KCNA2: variants seen among roughly 807,000 people sequenced by gnomAD.
The protein encoded by KCNA2 is potassium channel, voltage gated shaker related subfamily A, member 2.
A neutral mutation model predicts 33.4 loss-of-function variants in KCNA2; 11 were observed. The observed-to-expected ratio is 0.33, with a 90% confidence interval of 0.21 to 0.55. The LOEUF (loss-of-function observed/expected upper bound fraction) is 0.55, where lower values mean the gene tolerates loss of function less well. Ranked by LOEUF, KCNA2 falls within the 20% of genes least tolerant of loss-of-function variation. The pLI, the probability that KCNA2 is intolerant of heterozygous loss-of-function variation, is 0.93. For synonymous variants in KCNA2, 222 were observed against 231.3 expected (o/e 0.96, Z 0.37); for missense variants, 291 against 621.6 (o/e 0.47, Z 5.66).
In KCNA2 at chr1:110,593,989, G is replaced by A. The variant is rs17026168; in HGVS notation, c.*9294C>T. On this transcript the variant is annotated 3_prime_UTR_variant, in exon 3 of 3. Coordinates refer to ENST00000316361, the MANE Select transcript of KCNA2 (RefSeq NM_004974.4). ...CTCCCAACTCCCATGAGTCTTCCCC[G>A]CAAGTCCTGCTCCGCCTTCAGCTCT... 135,441 of 1,545,932 alleles carry A rather than the reference G, an allele frequency of 0.088. 11,449 individuals are homozygous for A. Among genetic ancestry groups the A allele is most frequent in the East Asian group, 0.51 (20,785 of 40,604 alleles).
chr1:110,595,862 C>G lies in KCNA2; in HGVS notation c.*7421G>C. ...AATGTTACTTTCAGATCTCACAAAC[C>G]TCAAACCTAGGGCACCACCAATGAC... On this transcript the variant is annotated 3_prime_UTR_variant, in exon 3 of 3. Transcript: ENST00000316361. The G allele has an allele frequency of 1.0e-6, 1 of 985,428 alleles. No individual in the cohort carries two copies. The highest frequency in any genetic ancestry group is 1.2e-6 in the Non-Finnish European group (1 of 829,932). The allele number at this position is 985,428 out of a possible 1,614,324, so 61.0% of individuals were successfully genotyped here.
intron 1 of KCNA2, among the ~76,000 whole-genome samples, chr1:110,617,696 G>T (rs1226819173): frequency 6.6e-6 from 1 of 152,220 alleles, no homozygotes; most frequent in Non-Finnish European, 1.5e-5. Flanking sequence ...ATTACAGGGA[G>T]TGTAGGATTC....
At chr1:110,610,981 GC>G, upstream of KCNA2, among the ~76,000 whole-genome samples, 1 of 151,780 alleles carries the variant, frequency 6.6e-6, no homozygotes, top group South Asian at 2.1e-4. Flanking sequence ...CACTAGCCCC[GC>G]CCACCCCCTT....
At chr1:110,616,780 C>T (rs1249754944) in intron 1 of KCNA2, among the ~76,000 whole-genome samples, 2 of 152,222 alleles carry the variant, frequency 1.3e-5, no homozygotes, top group African/African-American at 4.8e-5. Context: ...CGGCTCTAAA[C>T]CAGGCATCGA....
rs1649190289 is a variant in KCNA2, at chr1:110,598,305, C to G, written c.*4978G>C. ...ACCATCATCCCCTCTCTTGAGTAAACAAGTCAAAGCACTGTGCTCCCCTGC... is the reference window on the plus strand; with the variant it reads ...ACCATCATCCCCTCTCTTGAGTAAAGAAGTCAAAGCACTGTGCTCCCCTGC... On this transcript the variant is annotated 3_prime_UTR_variant, in exon 3 of 3. Coordinates refer to ENST00000316361, the MANE Select transcript of KCNA2 (RefSeq NM_004974.4). The G allele has an allele frequency of 1.2e-6, 1 of 860,758 alleles. No individual in the cohort carries two copies. The highest frequency in any genetic ancestry group is 1.2e-4 in the East Asian group (1 of 8,262). The allele number at this position is 860,758 out of a possible 1,614,324, so 53.3% of individuals were successfully genotyped here.
chr1:110,616,302 C>T (rs1463379103), intron 1 of KCNA2, among the ~76,000 whole-genome samples: 3 of 152,196 alleles, frequency 2.0e-5, no homozygotes, highest in Non-Finnish European at 4.4e-5. Context: ...CCCCCACCCC[C>T]ACCACCCAGG....
At position 110,599,973 on chromosome 1, in the gene KCNA2, A is replaced by T. The variant is rs561634489; in HGVS notation, c.*3310T>A. The T allele has an allele frequency of 1.0e-6, 1 of 985,314 alleles. No homozygotes were observed. Among genetic ancestry groups the T allele is most frequent in the Admixed American group, 6.1e-5 (1 of 16,274 alleles). The allele number at this position is 985,314 out of a possible 1,614,324, so 61.0% of individuals were successfully genotyped here. ...CCATGCAATTCCTGGTCTTAGTCAG[A>T]TATCTGCTTGATGTGGTGGCCCATC... On this transcript the variant is annotated 3_prime_UTR_variant, in exon 3 of 3. Coordinates refer to ENST00000316361, the MANE Select transcript of KCNA2 (RefSeq NM_004974.4).
In KCNA2 at chr1:110,602,424, C is replaced by G; in HGVS notation, c.*859G>C. The G allele has an allele frequency of 7.5e-7, 1 of 1,328,612 alleles. No individual in the cohort carries two copies. Among genetic ancestry groups the G allele is most frequent in the East Asian group, 3.0e-5 (1 of 33,226 alleles). 82.3% of individuals were successfully genotyped at this position (1,328,612 alleles called of 1,614,324 possible). ...ACACCCATGCAGCTCTATTGCATCA[C>G]TGGTAAATTTCACTGCAGTGTCAGT... On this transcript the variant is annotated 3_prime_UTR_variant, in exon 3 of 3. Coordinates refer to ENST00000316361, the MANE Select transcript of KCNA2 (RefSeq NM_004974.4).
In KCNA2 at chr1:110,602,198, C is replaced by T. The variant is rs1406992642; in HGVS notation, c.*1085G>A. 1 of 1,549,212 alleles carries T rather than the reference C, an allele frequency of 6.5e-7. No homozygotes were observed. The highest frequency in any genetic ancestry group is 2.4e-5 in the East Asian group (1 of 40,896). On this transcript the variant is annotated 3_prime_UTR_variant, in exon 3 of 3. Coordinates refer to ENST00000316361, the MANE Select transcript of KCNA2 (RefSeq NM_004974.4). ...GTTTAGAAGAACAGGGATAGGTAGG[C>T]TGGGGGGCCAGAAGTTTTAGTTCCA...
rs770338663 is a variant in KCNA2, at chr1:110,604,767, C to T, written c.16G>A (p.Gly6Arg). The stretch of plus-strand genomic sequence containing the variant: ...GCAGCAGCCTCGTCTGCTGGGTCTC[C>T]GGTGGCCACTGTCATAATTGGGACT... MTVAT[G>R]DPADEAAALP... The change falls in exon 3 of 3, where the codon GGA becomes AGA. Residue 6 changes from glycine (G) to arginine (R), a missense_variant. Coordinates refer to ENST00000316361, the MANE Select transcript of KCNA2 (RefSeq NM_004974.4). This position sits in a 1 kb window ranked among gnomAD's most constrained non-coding sequence, Gnocchi z 7.6. 5 of 1,612,784 alleles carry T rather than the reference C, an allele frequency of 3.1e-6. No individual in the cohort carries two copies. Among genetic ancestry groups the T allele is most frequent in the South Asian group, 2.2e-5 (2 of 90,868 alleles).
upstream of KCNA2, among the ~76,000 whole-genome samples, chr1:110,609,139 A>G (rs1649782092): frequency 3.9e-5 from 6 of 152,086 alleles, no homozygotes; most frequent in South Asian, 8.3e-4. Flanking sequence ...GACCAGCACC[A>G]AGGGGCTCTG....
chr1:110,603,111 A>G lies in KCNA2; in HGVS notation c.*172T>C. On this transcript the variant is annotated 3_prime_UTR_variant, in exon 3 of 3. Transcript: ENST00000316361. The surrounding 1 kb of genome is among the most constrained non-coding windows in gnomAD (Gnocchi z 5.7). Reference sequence around the variant, plus strand: ...GATGAGGATGTGCATGAAAGCCATGATAGATATTCTGTGTTCTAAATCAAA... The same window carrying G: ...GATGAGGATGTGCATGAAAGCCATGGTAGATATTCTGTGTTCTAAATCAAA... 6 of 1,426,362 alleles carry G rather than the reference A, an allele frequency of 4.2e-6. No individual in the cohort carries two copies. Among genetic ancestry groups the G allele is most frequent in the Non-Finnish European group, 5.5e-6 (6 of 1,095,988 alleles). 88.4% of individuals were successfully genotyped at this position (1,426,362 alleles called of 1,614,324 possible).
chr1:110,604,933 C>G lies in KCNA2; in HGVS notation c.-151G>C, dbSNP rs985139660. 1.3e-5 allele frequency: 9 copies of G among 712,670 alleles called. No individual in the cohort carries two copies. The highest frequency in any genetic ancestry group is 2.1e-5 in the Non-Finnish European group (9 of 423,024). 44.1% of individuals were successfully genotyped at this position (712,670 alleles called of 1,614,324 possible). ...GAGAGCTCTCTGAGAGCTGGAGAGA[C>G]AGCCTCGCTTGGCTGAAAGACAGAG... On this transcript the variant is annotated 5_prime_UTR_variant, in exon 3 of 3. Transcript: ENST00000316361. The surrounding 1 kb of genome is among the most constrained non-coding windows in gnomAD (Gnocchi z 7.6).
At position 110,600,365 on chromosome 1, in the gene KCNA2, A is replaced by T; in HGVS notation, c.*2918T>A. Reference sequence around the variant, plus strand: ...ATATGCATATGCATTTTGTCCATGTAGTTTTTTATGTATTTTGCATCTGAG... The same window carrying T: ...ATATGCATATGCATTTTGTCCATGTTGTTTTTTATGTATTTTGCATCTGAG... On this transcript the variant is annotated 3_prime_UTR_variant, in exon 3 of 3. Coordinates refer to ENST00000316361, the MANE Select transcript of KCNA2 (RefSeq NM_004974.4). 1 of 984,004 alleles carries T rather than the reference A, an allele frequency of 1.0e-6. No homozygotes were observed. Among genetic ancestry groups the T allele is most frequent in the South Asian group, 4.7e-5 (1 of 21,192 alleles). The allele number at this position is 984,004 out of a possible 1,614,324, so 61.0% of individuals were successfully genotyped here.
upstream of KCNA2, chr1:110,607,388 C>A (rs1329486681): frequency 6.6e-6 from 1 of 150,988 alleles, no homozygotes; most frequent in African/African-American, 2.4e-5. Context: ...GCGTACGGAG[C>A]TCCCGGCCGC....
chr1:110,598,033 T>C lies in KCNA2; in HGVS notation c.*5250A>G, dbSNP rs1164558726. 4 of 985,284 alleles carry C rather than the reference T, an allele frequency of 4.1e-6. No homozygotes were observed. The highest frequency in any genetic ancestry group is 4.7e-5 in the South Asian group (1 of 21,282). 61.0% of individuals were successfully genotyped at this position (985,284 alleles called of 1,614,324 possible). On this transcript the variant is annotated 3_prime_UTR_variant, in exon 3 of 3. Coordinates refer to ENST00000316361, the MANE Select transcript of KCNA2 (RefSeq NM_004974.4). ...CTGAAGATATAGATGATGGTCACAA[T>C]AGCTACTGAGAGAGCTCCCAGCATC...
chr1:110,620,079 AGAGAGAGAGT>A (rs1262824325), intron 1 of KCNA2, among the ~76,000 whole-genome samples: 20 of 145,576 alleles, frequency 1.4e-4, no homozygotes, highest in African/African-American at 5.1e-4. Flanking sequence ...AGAGAGAGAG[AGAGAGAGAGT>A]GAGTGAGAGA....
Position 110,604,071 on chromosome 1 carries a change from A to G in KCNA2, c.712T>C (p.Leu238=), listed in dbSNP as rs1649482348. 6.2e-7 allele frequency: 1 copy of G among 1,614,222 alleles called. No individual in the cohort carries two copies. Among genetic ancestry groups the G allele is most frequent in the East Asian group, 2.2e-5 (1 of 44,884 alleles). Residue 238 remains leucine, a synonymous_variant, in exon 3 of 3, where the codon TTG becomes CTG. Transcript: ENST00000316361. The surrounding 1 kb of genome is among the most constrained non-coding windows in gnomAD (Gnocchi z 7.6). ...CTGGGACAGGCAAAGAACCTCACCA[A>G]GAATTCAAAGGAGAACCAGATGATG... is the stretch of plus-strand genomic sequence containing the variant. ...LCIIWFSFEF[L]VRFFACPSKA...
chr1:110,602,418 G>A lies in KCNA2; in HGVS notation c.*865C>T, dbSNP rs1649401971. ...CAACAAACACCCATGCAGCTCTATTGCATCACTGGTAAATTTCACTGCAGT... is the reference window on the plus strand; with the variant it reads ...CAACAAACACCCATGCAGCTCTATTACATCACTGGTAAATTTCACTGCAGT... On this transcript the variant is annotated 3_prime_UTR_variant, in exon 3 of 3. Transcript: ENST00000316361. 1 of 1,340,156 alleles carries A rather than the reference G, an allele frequency of 7.5e-7. No homozygotes were observed. Among genetic ancestry groups the A allele is most frequent in the African/African-American group, 1.5e-5 (1 of 68,060 alleles). 83.0% of individuals were successfully genotyped at this position (1,340,156 alleles called of 1,614,324 possible).
Sources: allele counts gnomAD v4.1 joint callset (sites outside exome capture counted in the v4.1 genomes callset), GRCh38; gene constraint gnomAD v4.1.1; non-coding constraint Gnocchi (gnomAD v3.1); transcripts MANE v1.5; gene names NCBI Gene and HGNC (gene_info 2026-07-23, HGNC 2026-07-21).